Variants in GNAQ observed in about 807,000 individuals in gnomAD.
GNAQ encodes guanine nucleotide-binding protein G(q) subunit alpha.
GNAQ carries 8 observed loss-of-function variants against 43.9 expected under a neutral mutation model. The ratio of observed to expected loss-of-function variants is 0.18; its 90% CI spans 0.11 to 0.33. The LOEUF is 0.33. GNAQ is among the 10% of genes least tolerant of loss of function. GNAQ has a pLI of 1.00. For missense variants in GNAQ, 158 were observed against 450.8 expected (o/e 0.35, Z 5.88); for synonymous variants, 155 against 170.7 (o/e 0.91, Z 0.71).
chr9:77,774,687 T>C (rs1464283442), intron 5 of GNAQ, among the ~76,000 whole-genome samples: 1 of 152,190 alleles, frequency 6.6e-6, no homozygotes, highest in African/African-American at 2.4e-5. Flanking sequence ...GGACTCCAAC[T>C]CCTAGCCTGA....
At chr9:77,954,362 G>A (rs1344045876) in intron 1 of GNAQ, among the ~76,000 whole-genome samples, 1 of 152,254 alleles carries the variant, frequency 6.6e-6, no homozygotes, top group Non-Finnish European at 1.5e-5. Context: ...AAAAGAAGGT[G>A]TGCTAATACG....
At chr9:77,865,877 T>C (rs1484280367) in intron 2 of GNAQ, among the ~76,000 whole-genome samples, 1 of 152,262 alleles carries the variant, frequency 6.6e-6, no homozygotes, top group East Asian at 1.9e-4. Flanking sequence ...CAATGCTCAC[T>C]AAAGCTTTCA....
intron 2 of GNAQ, among the ~76,000 whole-genome samples, chr9:77,850,174 C>T (rs1051596966): frequency 6.6e-6 from 1 of 152,262 alleles, no homozygotes; most frequent in African/African-American, 2.4e-5. Flanking sequence ...ACATGCCCCG[C>T]ATGCCCCTAT....
chr9:77,983,232 A>G (rs1429263333), intron 1 of GNAQ, among the ~76,000 whole-genome samples: 1 of 152,202 alleles, frequency 6.6e-6, no homozygotes, highest in Non-Finnish European at 1.5e-5. Context: ...TAACATTTAC[A>G]TAGTATGTAT....
intron 2 of GNAQ, among the ~76,000 whole-genome samples, chr9:77,818,414 C>G (rs1175984310): frequency 2.0e-5 from 3 of 150,362 alleles, no homozygotes; most frequent in Non-Finnish European, 2.9e-5. Context: ...TATAAACGTT[C>G]CCAATGGAAA....
chr9:77,785,400 C>T (rs939384773), intron 5 of GNAQ, among the ~76,000 whole-genome samples: 7 of 152,132 alleles, frequency 4.6e-5, no homozygotes, highest in East Asian at 1.9e-4. Flanking sequence ...CCTCCAGAAC[C>T]GGGGAGAATA....
chr9:77,884,999 T>C (rs1004118343), intron 2 of GNAQ, among the ~76,000 whole-genome samples: 1 of 152,198 alleles, frequency 6.6e-6, no homozygotes, highest in African/African-American at 2.4e-5. Flanking sequence ...ACCCACCTGC[T>C]GGGTTTCTAA....
chr9:77,912,308 T>C (rs900518586), intron 2 of GNAQ, among the ~76,000 whole-genome samples: 1 of 152,218 alleles, frequency 6.6e-6, no homozygotes, highest in African/African-American at 2.4e-5. Context: ...GGGTAAAGGA[T>C]GGTCATTTCA....
chr9:77,745,385 C>T (rs987437620), intron 5 of GNAQ, among the ~76,000 whole-genome samples: 2 of 151,892 alleles, frequency 1.3e-5, no homozygotes, highest in African/African-American at 4.8e-5. Context: ...CCTAAGCAAA[C>T]GCACCGCAGT....
rs774386174 is a variant in GNAQ at position 78,003,984 on chromosome 9, C to T, written c.136+27116G>A. Among the ~76,000 whole-genome samples, 47 of 152,054 alleles carry T rather than the reference C, an allele frequency of 3.1e-4. 1 individual carries two copies. Among genetic ancestry groups the T allele is most frequent in the Admixed American group, 2.0e-4 (3 of 15,272 alleles). ...ACACAAGACAAATTACATATCCTGC[C>T]TTCAGGGATCTGACAGGTTGCTATG... is the stretch of plus-strand genomic sequence containing the variant. On this transcript the variant is annotated intron_variant, in intron 1 of 6. Transcript: ENST00000286548.
At chr9:77,762,491 G>A (rs1463292292) in intron 5 of GNAQ, among the ~76,000 whole-genome samples, 8 of 145,134 alleles carry the variant, frequency 5.5e-5, no homozygotes, top group Middle Eastern at 3.4e-3. Context: ...TCAGCCCCCC[G>A]CCTGGCCAGC....
At position 77,797,724 on chromosome 9, in the gene GNAQ, A is replaced by C. The variant is rs11145567; in HGVS notation, c.477-76T>G. ...GCTGTCTACGGAAAGGGAAGGACAAAAATGAGTCCTAACAGAGAAGTAAAG... is the reference window on the plus strand; with the variant it reads ...GCTGTCTACGGAAAGGGAAGGACAACAATGAGTCCTAACAGAGAAGTAAAG... On this transcript the variant is annotated intron_variant, in intron 3 of 6. Transcript: ENST00000286548. The C allele has an allele frequency of 1.4e-3, 1,847 of 1,321,460 alleles. 27 individuals are homozygous for C. The African/African-American group carries it at 0.025, about 18-fold the overall frequency. The allele number at this position is 1,321,460 out of a possible 1,614,324, so 81.9% of individuals were successfully genotyped here. A position where few individuals can be genotyped will look rare whatever the true frequency, so the allele number is the denominator to read the frequency against.
At chr9:78,030,958 G>A (rs533366436) in intron 1 of GNAQ, 142 bp downstream of exon 1, 420 of 429,030 alleles carry the variant, frequency 9.8e-4, no homozygotes, top group Non-Finnish European at 1.4e-3. Flanking sequence ...GCGGGTGAAG[G>A]CAGTGGCCGG....
intron 1 of GNAQ, among the ~76,000 whole-genome samples, chr9:77,959,140 G>C (rs541871747): frequency 6.6e-6 from 1 of 152,010 alleles, no homozygotes; most frequent in African/African-American, 2.4e-5. Flanking sequence ...AAGCTTCCAG[G>C]TGATTCTTCA....
At chr9:77,975,628 C>CCCT (rs960523691) in intron 1 of GNAQ, among the ~76,000 whole-genome samples, 4 of 150,884 alleles carry the variant, frequency 2.7e-5, no homozygotes, top group Admixed American at 6.6e-5. Context: ...CAACCTCCTC[C>CCCT]TCCCAGGTTC....
intron 1 of GNAQ, among the ~76,000 whole-genome samples, chr9:77,932,348 C>A (rs1829164062): frequency 6.6e-6 from 1 of 152,012 alleles, no homozygotes; most frequent in South Asian, 2.1e-4. Context: ...ATTACTGTCA[C>A]AAAGGTAACA....
intron 1 of GNAQ, among the ~76,000 whole-genome samples, chr9:77,956,446 T>C (rs1038220161): frequency 2.0e-5 from 3 of 152,246 alleles, no homozygotes; most frequent in East Asian, 1.9e-4. Flanking sequence ...GCTAGGAAAA[T>C]GGCTTCCAAA....
At chr9:77,974,004 A>G (rs1823270275) in intron 1 of GNAQ, among the ~76,000 whole-genome samples, 1 of 152,228 alleles carries the variant, frequency 6.6e-6, no homozygotes, top group Non-Finnish European at 1.5e-5. Flanking sequence ...AAGTCAAAGC[A>G]ATAATATTTA....
At chr9:77,819,685 C>A (rs188813575) in intron 2 of GNAQ, among the ~76,000 whole-genome samples, 3 of 151,976 alleles carry the variant, frequency 2.0e-5, no homozygotes, top group Admixed American at 2.0e-4. Flanking sequence ...CAATTCTGAA[C>A]TGCAGCACAC....
Sources: allele counts gnomAD v4.1 joint callset (sites outside exome capture counted in the v4.1 genomes callset), GRCh38; gene constraint gnomAD v4.1.1; transcripts MANE v1.5; gene names NCBI Gene and HGNC (gene_info 2026-07-23, HGNC 2026-07-21).